The following SGMS1 variants were observed in gnomAD, a reference collection of about 807,000 sequenced individuals.
SGMS1 encodes phosphatidylcholine:ceramide cholinephosphotransferase 1.
A neutral mutation model predicts 46.2 loss-of-function variants in SGMS1; 13 were observed. The ratio of observed to expected loss-of-function variants is 0.28; its 90% CI spans 0.18 to 0.45. The LOEUF (loss-of-function observed/expected upper bound fraction) is 0.45, where lower values mean the gene tolerates loss of function less well. SGMS1 is among the 20% of genes least tolerant of loss of function. SGMS1 has a pLI of 1.00. For missense variants in SGMS1, 324 were observed against 519.9 expected, an observed-to-expected ratio of 0.62 and a Z score of 3.66; for synonymous variants, 203 against 187.8, an observed-to-expected ratio of 1.08 and a Z score of -0.66.
At chr10:50,482,701 C>T (rs1267877034) in intron 3 of SGMS1, among the ~76,000 whole-genome samples, 2 of 152,196 alleles carry the variant, frequency 1.3e-5, no homozygotes, top group Non-Finnish European at 2.9e-5. Flanking sequence ...CAAATTCACA[C>T]ATAACACTAC....
At chr10:50,345,341 G>T (rs1847899078) in intron 6 of SGMS1, among the ~76,000 whole-genome samples, 1 of 152,138 alleles carries the variant, frequency 6.6e-6, no homozygotes, top group African/African-American at 2.4e-5. Flanking sequence ...ATTTATAAAT[G>T]AAGAATGTGA....
rs79446879 is a variant in SGMS1 at position 50,441,839 on chromosome 10, A to G, written c.-312-8283T>C. ...TTTCAGTATTGCACATTATCTTCCCAGTCTGTCAAAGTCTGTATTTTTATC... is the reference window on the plus strand; with the variant it reads ...TTTCAGTATTGCACATTATCTTCCCGGTCTGTCAAAGTCTGTATTTTTATC... On this transcript the variant is annotated intron_variant, in intron 5 of 10. Coordinates refer to ENST00000361781, the MANE Select transcript of SGMS1 (RefSeq NM_147156.4). Among the ~76,000 whole-genome samples, 1,452 of 152,198 alleles carry G rather than the reference A, an allele frequency of 9.5e-3. 27 individuals carry two copies. The highest frequency in any genetic ancestry group is 0.033 in the African/African-American group (1,387 of 41,464).
chr10:50,599,862 G>GA (rs201232049), intron 1 of SGMS1, among the ~76,000 whole-genome samples: 2 of 151,942 alleles, frequency 1.3e-5, no homozygotes, highest in East Asian at 1.9e-4. Context: ...GACTGTCTCA[G>GA]AAAAAATTTT....
At chr10:50,311,141 A>T in intron 9 of SGMS1, 121 bp downstream of exon 9, 1 of 1,156,774 alleles carries the variant, frequency 8.6e-7, no homozygotes, top group Non-Finnish European at 1.2e-6. Flanking sequence ...TGAAGCTGCA[A>T]GCCTCCTGAA....
intron 3 of SGMS1, among the ~76,000 whole-genome samples, chr10:50,504,467 TCTTA>T (rs998242404): frequency 6.6e-6 from 1 of 152,212 alleles, no homozygotes; most frequent in Middle Eastern, 3.2e-3. Context: ...TTTTATTTTA[TCTTA>T]ATCCCCCAAA....
intron 2 of SGMS1, among the ~76,000 whole-genome samples, chr10:50,580,159 C>G (rs1838419970): frequency 1.3e-5 from 2 of 152,022 alleles, no homozygotes; most frequent in South Asian, 2.1e-4. Context: ...TGTTTACACA[C>G]TGTAAACACC....
intron 6 of SGMS1, among the ~76,000 whole-genome samples, chr10:50,347,386 T>C (rs1195784914): frequency 1.3e-5 from 2 of 152,188 alleles, no homozygotes; most frequent in South Asian, 2.1e-4. Context: ...GGGCATTCTC[T>C]AGAGAAATGT....
chr10:50,613,731 T>C (rs1177601214), intron 1 of SGMS1, among the ~76,000 whole-genome samples: 1 of 152,236 alleles, frequency 6.6e-6, no homozygotes, highest in Non-Finnish European at 1.5e-5. Context: ...CCTGAGTTCC[T>C]ACAAAATATT....
chr10:50,558,043 A>G (rs1300245588), intron 2 of SGMS1, among the ~76,000 whole-genome samples: 4 of 152,194 alleles, frequency 2.6e-5, no homozygotes, highest in Non-Finnish European at 5.9e-5. Flanking sequence ...AGTTATTATA[A>G]TTACCTTCTC....
intron 2 of SGMS1, among the ~76,000 whole-genome samples, chr10:50,536,454 C>A (rs1316570909): frequency 6.6e-6 from 1 of 151,922 alleles, no homozygotes; most frequent in Non-Finnish European, 1.5e-5. Flanking sequence ...TTAGAACTAC[C>A]AGGAATATTT....
intron 2 of SGMS1, among the ~76,000 whole-genome samples, chr10:50,551,360 C>T (rs1050017587): frequency 6.6e-6 from 1 of 151,012 alleles, no homozygotes; most frequent in South Asian, 2.1e-4. Context: ...TGGTACTCCT[C>T]AAGACTGTCA....
rs571316613 is a variant in SGMS1, at chr10:50,394,209, C to G, written c.-232+39267G>C. Among the ~76,000 whole-genome samples the G allele has an allele frequency of 2.0e-5, 3 of 152,278 alleles. No individual in the cohort carries two copies. The East Asian group carries it at 5.8e-4, about 29-fold the overall frequency. ...CCTTTGGCCACCAGGAATCCCTGAG[C>G]CAAATGTTACAGGCCAAATCTAGCA... On this transcript the variant is annotated intron_variant, in intron 6 of 10. Transcript: ENST00000361781.
intron 9 of SGMS1, among the ~76,000 whole-genome samples, chr10:50,310,685 A>G (rs1397584985): frequency 6.6e-6 from 1 of 152,214 alleles, no homozygotes; most frequent in Non-Finnish European, 1.5e-5. Context: ...TATATATTAA[A>G]TCTGAGCCAT....
intron 3 of SGMS1, among the ~76,000 whole-genome samples, chr10:50,494,442 A>G (rs1366371112): frequency 1.3e-5 from 2 of 152,240 alleles, no homozygotes; most frequent in Non-Finnish European, 2.9e-5. Flanking sequence ...TATACTATGC[A>G]GCCATAAAAA....
chr10:50,409,298 G>T (rs1374548693), intron 6 of SGMS1, among the ~76,000 whole-genome samples: 1 of 152,120 alleles, frequency 6.6e-6, no homozygotes, highest in Non-Finnish European at 1.5e-5. Context: ...ATACATTGTT[G>T]TTAACTATAG....
chr10:50,624,880 G>C (rs908477610), upstream of SGMS1: 13 of 999,958 alleles, frequency 1.3e-5, no homozygotes, highest in African/African-American at 1.7e-5. Context: ...TCGGGGACTT[G>C]GCGAGCGGGG....
chr10:50,363,245 A>G (rs1003889186), intron 6 of SGMS1, among the ~76,000 whole-genome samples: 1 of 152,226 alleles, frequency 6.6e-6, no homozygotes, highest in Non-Finnish European at 1.5e-5. Context: ...AGAAGAGGAG[A>G]AAACAGGGAC....
intron 1 of SGMS1, among the ~76,000 whole-genome samples, chr10:50,617,368 C>G (rs1262730749): frequency 6.6e-6 from 1 of 152,136 alleles, no homozygotes; most frequent in Admixed American, 6.5e-5. Flanking sequence ...CTAGAAAACA[C>G]AAACTAAACT....
chr10:50,623,112 GC>G (rs1838870967), intron 1 of SGMS1, among the ~76,000 whole-genome samples: 1 of 152,024 alleles, frequency 6.6e-6, no homozygotes, highest in Non-Finnish European at 1.5e-5. Context: ...GAGAAGGGGA[GC>G]GCTCCTCGGG....
Sources: allele counts gnomAD v4.1 joint callset (sites outside exome capture counted in the v4.1 genomes callset), GRCh38; gene constraint gnomAD v4.1.1; transcripts MANE v1.5; gene names NCBI Gene and HGNC (gene_info 2026-07-23, HGNC 2026-07-21).